Variants in NAALADL2 observed in about 807,000 individuals in gnomAD.
NAALADL2 encodes inactive N-acetylated-alpha-linked acidic dipeptidase-like protein 2.
A neutral mutation model predicts 87.2 loss-of-function variants in NAALADL2; 76 were observed. The ratio of observed to expected loss-of-function variants is 0.87; its 90% CI spans 0.72 to 1.05. NAALADL2 has a LOEUF of 1.05. Among genes scored for constraint, NAALADL2 ranks in the 50% least tolerant of loss-of-function variants. The pLI is 0.00. For synonymous variants in NAALADL2, 354 were observed against 331.0 expected, an observed-to-expected ratio of 1.07 and a Z score of -0.75; for missense variants, 1,089 against 945.8, an observed-to-expected ratio of 1.15 and a Z score of -1.99.
At chr3:175,120,797 T>C (rs1006328313) in intron 2 of NAALADL2, among the ~76,000 whole-genome samples, 1 of 151,808 alleles carries the variant, frequency 6.6e-6, no homozygotes, top group African/African-American at 2.4e-5. Flanking sequence ...GTCTAATTGG[T>C]TGATAAAACT....
At chr3:174,781,342 G>T (rs1428783684) in intron 3 of NAALADL2, among the ~76,000 whole-genome samples, 4 of 151,720 alleles carry the variant, frequency 2.6e-5, no homozygotes, top group Non-Finnish European at 5.9e-5. Context: ...CTAGATGGGG[G>T]AAGTTCTCCT....
At chr3:175,316,789 G>A (rs1434088130) in intron 4 of NAALADL2, among the ~76,000 whole-genome samples, 2 of 152,126 alleles carry the variant, frequency 1.3e-5, no homozygotes, top group Non-Finnish European at 2.9e-5. Flanking sequence ...TGTTCAAAAT[G>A]TAGTTAACAA....
At chr3:174,986,322 T>C (rs1361185977) in intron 1 of NAALADL2, among the ~76,000 whole-genome samples, 15 of 148,324 alleles carry the variant, frequency 1.0e-4, no homozygotes, top group Non-Finnish European at 1.8e-4. Context: ...AATATATATA[T>C]ACAATATATA....
chr3:174,461,806 C>G (rs1237403420), intron 1 of NAALADL2, among the ~76,000 whole-genome samples: 1 of 152,022 alleles, frequency 6.6e-6, no homozygotes, highest in East Asian at 1.9e-4. Flanking sequence ...CAACAGTACT[C>G]TTTCTCTTTA....
intron 1 of NAALADL2, chr3:175,059,312 T>A (rs967251614): frequency 7.2e-5 from 11 of 152,204 alleles, no homozygotes; most frequent in African/African-American, 2.4e-4. Context: ...TTATTTATTT[T>A]TTTTTCAAGT....
At chr3:175,512,972 GA>G (rs1010842276) in intron 9 of NAALADL2, among the ~76,000 whole-genome samples, 6 of 151,994 alleles carry the variant, frequency 3.9e-5, no homozygotes, top group African/African-American at 1.2e-4. Context: ...ATTGCAGAGT[GA>G]AAAAAACATA....
At chr3:174,973,849 G>A (rs574968374) in intron 1 of NAALADL2, among the ~76,000 whole-genome samples, 44 of 152,084 alleles carry the variant, frequency 2.9e-4, no homozygotes, top group Non-Finnish European at 5.4e-4. Flanking sequence ...TTATGGGACC[G>A]CCATCAAATA....
At chr3:174,594,353 A>G (rs553390853) in intron 2 of NAALADL2, among the ~76,000 whole-genome samples, 2 of 152,236 alleles carry the variant, frequency 1.3e-5, no homozygotes, top group South Asian at 4.1e-4. Context: ...TCCAAGCCTT[A>G]TTTACCTCAA....
At chr3:175,320,224 C>G (rs532421468) in intron 4 of NAALADL2, among the ~76,000 whole-genome samples, 2 of 151,982 alleles carry the variant, frequency 1.3e-5, no homozygotes, top group Non-Finnish European at 2.9e-5. Context: ...AATGAATAAG[C>G]TTTTTACAAA....
intron 1 of NAALADL2, among the ~76,000 whole-genome samples, chr3:174,957,462 A>C (rs1741315663): frequency 6.6e-6 from 1 of 152,070 alleles, no homozygotes; most frequent in Non-Finnish European, 1.5e-5. Context: ...GATTTTGAGT[A>C]GTATTTTTGT....
chr3:174,521,926 G>T (rs1412435793), intron 1 of NAALADL2, among the ~76,000 whole-genome samples: 3 of 151,934 alleles, frequency 2.0e-5, no homozygotes, highest in Non-Finnish European at 2.9e-5. Context: ...TATGGTCTCT[G>T]AATCTAAAAT....
At chr3:175,258,324 C>CAAAAAAAAAAAAAAA (rs1287997792) in intron 4 of NAALADL2, among the ~76,000 whole-genome samples, 1 of 100,750 alleles carries the variant, frequency 9.9e-6, no homozygotes, top group African/African-American at 3.6e-5. Context: ...CCCCCACCAC[C>CAAAAAAAAAAAAAAA]AAAAAAAAAA....
chr3:175,058,241 T>A (rs942632858), intron 1 of NAALADL2, among the ~76,000 whole-genome samples: 2 of 152,200 alleles, frequency 1.3e-5, no homozygotes, highest in Non-Finnish European at 2.9e-5. Flanking sequence ...GTTTTCTAAA[T>A]CCAGAGAGAG....
chr3:174,581,766 C>T lies in NAALADL2; in HGVS notation c.-115+31129C>T, dbSNP rs540363922. On this transcript the variant is annotated intron_variant, in intron 2 of 3. Coordinates refer to the NAALADL2 transcript ENST00000434257. ...ACATGACTAGTTCTGGCCAGTGAGT[C>T]GTGCGAGGACTGATGCATGTCATCT... Among the ~76,000 whole-genome samples the T allele has an allele frequency of 1.4e-3, 208 of 152,228 alleles. 2 individuals carry two copies. The South Asian group carries it at 0.029, about 21-fold the overall frequency.
chr3:174,739,865 T>C (rs1044341381), intron 3 of NAALADL2, among the ~76,000 whole-genome samples: 2 of 152,100 alleles, frequency 1.3e-5, no homozygotes, highest in African/African-American at 4.8e-5. Flanking sequence ...ATTAGCTCTT[T>C]TTAAATAAAC....
At chr3:174,783,100 T>A (rs1716194297) in intron 3 of NAALADL2, among the ~76,000 whole-genome samples, 1 of 152,220 alleles carries the variant, frequency 6.6e-6, no homozygotes, top group South Asian at 2.1e-4. Context: ...AAAAAGCTTT[T>A]GTCATGCTGT....
At chr3:174,637,735 T>C (rs9817365) in intron 2 of NAALADL2, among the ~76,000 whole-genome samples, 6,773 of 152,174 alleles carry the variant, frequency 0.045, 536 homozygotes, top group African/African-American at 0.15. Context: ...ATGTTAAAAA[T>C]ACAAAACGGT....
chr3:175,007,787 A>T (rs1424659581), intron 1 of NAALADL2, among the ~76,000 whole-genome samples: 1 of 152,192 alleles, frequency 6.6e-6, no homozygotes, highest in Non-Finnish European at 1.5e-5. Flanking sequence ...TTTATAAATT[A>T]GGCATAGAAA....
At chr3:175,200,354 TTCTC>T (rs768479595) in intron 2 of NAALADL2, among the ~76,000 whole-genome samples, 3 of 152,138 alleles carry the variant, frequency 2.0e-5, no homozygotes, top group African/African-American at 4.8e-5. Flanking sequence ...GTTAACTAAT[TTCTC>T]TCTCTCTCTT....
Sources: allele counts gnomAD v4.1 joint callset (sites outside exome capture counted in the v4.1 genomes callset), GRCh38; gene constraint gnomAD v4.1.1; transcripts MANE v1.5; gene names NCBI Gene and HGNC (gene_info 2026-07-23, HGNC 2026-07-21).